The following RNF180 variants were observed in gnomAD, a reference collection of about 807,000 sequenced individuals.
The protein encoded by RNF180 is E3 ubiquitin-protein ligase RNF180.
A neutral mutation model predicts 59.2 loss-of-function variants in RNF180; 38 were observed. The ratio of observed to expected loss-of-function variants is 0.64; its 90% CI spans 0.50 to 0.84. The LOEUF is 0.84. RNF180 is among the 40% of genes least tolerant of loss of function. RNF180 has a pLI of 0.00. For missense variants in RNF180, 705 were observed against 700.9 expected (o/e 1.01, Z -0.07); for synonymous variants, 262 against 240.3 (o/e 1.09, Z -0.84).
At chr5:64,190,994 C>T (rs2055135) in intron 1 of RNF180, among the ~76,000 whole-genome samples, 68,454 of 152,034 alleles carry the variant, frequency 0.45, 16,864 homozygotes, top group African/African-American at 0.66. Context: ...AGAAAAGCAG[C>T]GTTGATACTA....
At chr5:64,285,717 ATC>A (rs201935675) in intron 5 of RNF180, among the ~76,000 whole-genome samples, 2,198 of 152,210 alleles carry the variant, frequency 0.014, 25 homozygotes, top group Non-Finnish European at 0.022. Flanking sequence ...AGATTGGACT[ATC>A]TCTGTCCTAC....
chr5:64,237,239 G>A (rs1430586696), intron 5 of RNF180, among the ~76,000 whole-genome samples: 1 of 152,228 alleles, frequency 6.6e-6, no homozygotes. Context: ...GGCTGTGGGA[G>A]CCCACTCATT....
chr5:64,258,884 A>T (rs1744151436), intron 5 of RNF180, among the ~76,000 whole-genome samples: 1 of 152,194 alleles, frequency 6.6e-6, no homozygotes, highest in African/African-American at 2.4e-5. Context: ...GGAATAAAGA[A>T]ACAAGAGGTG....
At chr5:64,271,293 T>G (rs1158220310) in intron 5 of RNF180, among the ~76,000 whole-genome samples, 2 of 152,122 alleles carry the variant, frequency 1.3e-5, no homozygotes, top group African/African-American at 4.8e-5. Flanking sequence ...ATGTGGAACA[T>G]TTGACAGGTA....
intron 5 of RNF180, among the ~76,000 whole-genome samples, chr5:64,322,934 C>T (rs1744445549): frequency 6.6e-6 from 1 of 151,944 alleles, no homozygotes; most frequent in South Asian, 2.1e-4. Flanking sequence ...TACTAAACAA[C>T]TTATTCATGT....
rs544859623 is a variant in RNF180 at position 64,306,725 on chromosome 5, C to CA, written c.1228-18455dup. On this transcript the variant is annotated intron_variant, in intron 5 of 7. Transcript: ENST00000389100. ...CATTCCCAGCAAACTATCACAAGGA[C>CA]AAAAAACCAAACACCACATATTCTC... Among the ~76,000 whole-genome samples, 650 of 147,902 alleles carry CA rather than the reference C, an allele frequency of 4.4e-3. 4 individuals carry two copies. The highest frequency in any genetic ancestry group is 6.9e-3 in the Non-Finnish European group (460 of 67,100).
chr5:64,303,506 A>G (rs1383458977), intron 5 of RNF180, among the ~76,000 whole-genome samples: 1 of 151,468 alleles, frequency 6.6e-6, no homozygotes, highest in Non-Finnish European at 1.5e-5. Context: ...AATAATAAGG[A>G]AAAAACAGCC....
chr5:64,199,371 C>T (rs1441597143), intron 1 of RNF180, among the ~76,000 whole-genome samples: 2 of 152,146 alleles, frequency 1.3e-5, no homozygotes, highest in Non-Finnish European at 2.9e-5. Flanking sequence ...TGCATGTCTC[C>T]GTGTTCACCC....
At chr5:64,236,102 A>G (rs923711729) in intron 5 of RNF180, among the ~76,000 whole-genome samples, 1 of 152,232 alleles carries the variant, frequency 6.6e-6, no homozygotes, top group African/African-American at 2.4e-5. Flanking sequence ...GAGGGCTCAG[A>G]AGAAGACAGG....
At chr5:64,219,093 C>A (rs562465337) in intron 5 of RNF180, among the ~76,000 whole-genome samples, 12 of 152,308 alleles carry the variant, frequency 7.9e-5, no homozygotes, top group African/African-American at 2.9e-4. Context: ...TGAAAGCATT[C>A]ATTCACCAGT....
chr5:64,341,694 G>C (rs1043215070), intron 7 of RNF180, among the ~76,000 whole-genome samples: 1 of 152,106 alleles, frequency 6.6e-6, no homozygotes, highest in African/African-American at 2.4e-5. Context: ...ATGAAGAGTA[G>C]AGTACTCTTG....
chr5:64,328,571 C>A (rs1744758295), intron 6 of RNF180, among the ~76,000 whole-genome samples: 1 of 152,154 alleles, frequency 6.6e-6, no homozygotes, highest in South Asian at 2.1e-4. Context: ...ATGAAAATAC[C>A]TTTTCTCTAA....
intron 5 of RNF180, among the ~76,000 whole-genome samples, chr5:64,242,335 C>G (rs982098496): frequency 6.6e-6 from 1 of 152,106 alleles, no homozygotes; most frequent in Non-Finnish European, 1.5e-5. Context: ...GAACAGAGAT[C>G]AAGAACAATC....
chr5:64,261,437 G>A (rs1744334094), intron 5 of RNF180, among the ~76,000 whole-genome samples: 1 of 152,096 alleles, frequency 6.6e-6, no homozygotes, highest in African/African-American at 2.4e-5. Flanking sequence ...AAATTGGACT[G>A]GGTTAAAGAA....
rs571940546 is a variant in RNF180 at position 64,325,419 on chromosome 5, T to G, written c.1453+8T>G. The G allele has an allele frequency of 6.8e-5, 100 of 1,481,306 alleles. 1 individual carries two copies. The African/African-American group carries it at 1.1e-3, about 17-fold the overall frequency. 91.8% of individuals were successfully genotyped at this position (1,481,306 alleles called of 1,614,324 possible). On this transcript the variant is annotated splice_region_variant and intron_variant, in intron 6 of 7. Transcript: ENST00000389100. The stretch of plus-strand genomic sequence containing the variant: ...GAGTCTTTTTCCAAACAGGTAACAA[T>G]TCTCTTTCATTAACATGATTGTCTG...
rs141252065 is a variant in RNF180, at chr5:64,317,491, G to A, written c.1228-7695G>A. Among the ~76,000 whole-genome samples, 471 of 151,148 alleles carry A rather than the reference G, an allele frequency of 3.1e-3. 1 individual carries two copies. The highest frequency in any genetic ancestry group is 0.011 in the African/African-American group (464 of 41,194). On this transcript the variant is annotated intron_variant, in intron 5 of 7. Coordinates refer to ENST00000389100, the MANE Select transcript of RNF180 (RefSeq NM_001113561.2). ...ATTTGTTATTTTTAAAGCAATATCT[G>A]CAAAATGCAATAAAGCCAAGCATGA...
At chr5:64,357,756 A>G (rs1045850088) in intron 7 of RNF180, among the ~76,000 whole-genome samples, 1 of 151,792 alleles carries the variant, frequency 6.6e-6, no homozygotes, top group African/African-American at 2.4e-5. Flanking sequence ...AATAGAGTTC[A>G]CTTTATGGTC....
intron 7 of RNF180, among the ~76,000 whole-genome samples, chr5:64,332,928 T>A (rs1490467592): frequency 6.6e-6 from 1 of 152,118 alleles, no homozygotes; most frequent in Non-Finnish European, 1.5e-5. Context: ...ACAAGATCAG[T>A]ACAGTACTAC....
At chr5:64,294,506 A>G (rs1392518174) in intron 5 of RNF180, among the ~76,000 whole-genome samples, 1 of 152,208 alleles carries the variant, frequency 6.6e-6, no homozygotes, top group Non-Finnish European at 1.5e-5. Context: ...GCAACCATGT[A>G]TTACTTTTTT....
Sources: allele counts gnomAD v4.1 joint callset (sites outside exome capture counted in the v4.1 genomes callset), GRCh38; gene constraint gnomAD v4.1.1; transcripts MANE v1.5; gene names NCBI Gene and HGNC (gene_info 2026-07-23, HGNC 2026-07-21).